The following OR3A2 variants were observed in gnomAD, a reference collection of about 807,000 sequenced individuals.
OR3A2 encodes the protein olfactory receptor 3A2.
For synonymous variants in OR3A2, 126 were observed against 159.3 expected (o/e 0.79, Z 1.57); for missense variants, 318 against 392.8 (o/e 0.81, Z 1.61).
intron 1 of OR3A2, among the ~76,000 whole-genome samples, chr17:3,280,428 C>T (rs891641111): frequency 6.6e-5 from 10 of 151,766 alleles, no homozygotes; most frequent in East Asian, 1.9e-4. Flanking sequence ...CCCACCACCA[C>T]GCCCGGCTAA....
intron 2 of OR3A2, among the ~76,000 whole-genome samples, chr17:3,352,484 T>G (rs369153556): frequency 7.2e-5 from 11 of 152,018 alleles, no homozygotes; most frequent in African/African-American, 2.7e-4. Context: ...ATATCCAGTT[T>G]TCCCAACACC....
intron 2 of OR3A2, among the ~76,000 whole-genome samples, chr17:3,375,857 T>C (rs1379944976): frequency 6.6e-6 from 1 of 152,100 alleles, no homozygotes; most frequent in Non-Finnish European, 1.5e-5. Flanking sequence ...ACTGCAGTGA[T>C]TGTTATTTGT....
At chr17:3,379,395 C>T (rs1238021937) in intron 2 of OR3A2, among the ~76,000 whole-genome samples, 1 of 152,082 alleles carries the variant, frequency 6.6e-6, no homozygotes, top group Non-Finnish European at 1.5e-5. Flanking sequence ...GCTGAGATCC[C>T]CACAACTCCA....
chr17:3,291,720 A>C (rs1210714319), intron 3 of OR3A2: 1 of 1,613,502 alleles, frequency 6.2e-7, no homozygotes, highest in Non-Finnish European at 8.5e-7. Flanking sequence ...GATTGGGTTC[A>C]GCATGGGATT....
chr17:3,336,121 G>A (rs1201969044), exon 3 of OR3A2: 1 of 152,240 alleles, frequency 6.6e-6, no homozygotes, highest in African/African-American at 2.4e-5. Flanking sequence ...ACATTTTGTG[G>A]CATGTCTGTG....
intron 3 of OR3A2, among the ~76,000 whole-genome samples, chr17:3,293,367 A>T (rs1396819210): frequency 6.6e-6 from 1 of 152,212 alleles, no homozygotes; most frequent in Admixed American, 6.5e-5. Flanking sequence ...AGAAAAAAAT[A>T]CATCAGTTCT....
intron 2 of OR3A2, among the ~76,000 whole-genome samples, chr17:3,364,770 T>C (rs1016688262): frequency 1.3e-5 from 2 of 152,198 alleles, no homozygotes; most frequent in African/African-American, 2.4e-5. Flanking sequence ...GAAATCACCA[T>C]GTCAAAGTGA....
intron 3 of OR3A2, among the ~76,000 whole-genome samples, chr17:3,294,653 A>T (rs1482336604): frequency 1.3e-5 from 2 of 152,224 alleles, no homozygotes; most frequent in East Asian, 1.9e-4. Context: ...CTGAATATCA[A>T]TGATTAAAAA....
intron 2 of OR3A2, among the ~76,000 whole-genome samples, chr17:3,346,245 T>A (rs1366244930): frequency 6.6e-6 from 1 of 152,228 alleles, no homozygotes; most frequent in Non-Finnish European, 1.5e-5. Context: ...TACTATATTT[T>A]CTTTTTAATT....
At chr17:3,382,886 G>A (rs2049749630) in intron 2 of OR3A2, among the ~76,000 whole-genome samples, 1 of 152,122 alleles carries the variant, frequency 6.6e-6, no homozygotes, top group Non-Finnish European at 1.5e-5. Flanking sequence ...CCTAGCTGGA[G>A]GTCAAGGACA....
chr17:3,355,428 T>TTCTCTCTCTCTCTC (rs3037631), intron 2 of OR3A2, among the ~76,000 whole-genome samples: 7 of 139,582 alleles, frequency 5.0e-5, no homozygotes, highest in African/African-American at 2.0e-4. Context: ...ATGTTGGCAT[T>TTCTCTCTCTCTCTC]TCTCTCTCTC....
At chr17:3,317,881 T>G (rs926605663) in intron 3 of OR3A2, among the ~76,000 whole-genome samples, 21 of 152,040 alleles carry the variant, frequency 1.4e-4, no homozygotes, top group African/African-American at 5.1e-4. Flanking sequence ...AGCCCTCACT[T>G]TCCATGAATG....
chr17:3,309,708 C>T (rs1431263542), intron 3 of OR3A2, among the ~76,000 whole-genome samples: 2 of 152,132 alleles, frequency 1.3e-5, no homozygotes, highest in Non-Finnish European at 1.5e-5. Context: ...GATGTTTCCT[C>T]GTTTAGTTTC....
At chr17:3,308,633 T>C (rs1461612455) in intron 3 of OR3A2, among the ~76,000 whole-genome samples, 1 of 152,166 alleles carries the variant, frequency 6.6e-6, no homozygotes, top group Non-Finnish European at 1.5e-5. Context: ...AGATTGAGAT[T>C]GAAGAAGGAC....
At chr17:3,322,652 G>A (rs990782778) in intron 3 of OR3A2, among the ~76,000 whole-genome samples, 1 of 152,126 alleles carries the variant, frequency 6.6e-6, no homozygotes, top group Non-Finnish European at 1.5e-5. Context: ...TCAGGAGCAG[G>A]TTGTTCAGTT....
At chr17:3,279,236 AG>A in intron 1 of OR3A2, 83 bp from the exon 4 acceptor site, 6 of 391,116 alleles carry the variant, frequency 1.5e-5, no homozygotes, top group Non-Finnish European at 1.8e-5. Context: ...TCCTCGCCAC[AG>A]GGGGGAAATG....
intron 3 of OR3A2, among the ~76,000 whole-genome samples, chr17:3,322,028 T>C (rs1243235926): frequency 1.3e-5 from 2 of 152,176 alleles, no homozygotes; most frequent in Non-Finnish European, 2.9e-5. Flanking sequence ...TTTTGGTTGG[T>C]AAGCTATTGA....
At position 3,311,038 on chromosome 17, in the gene OR3A2, C is replaced by T. The variant is rs192448569; in HGVS notation, c.-85+24995G>A. On this transcript the variant is annotated intron_variant, in intron 3 of 4. Transcript: ENST00000573491. The surrounding 1 kb of genome is among the most constrained non-coding windows in gnomAD (Gnocchi z 4.6). ...GAGGGCAGAAAGAAAGCCTTCTCCA[C>T]GTGTAGTTCCCACCTCACTGTGGTG... 5.4e-4 allele frequency: 293 copies of T among 546,390 alleles called. 1 individual carries two copies. The East Asian group carries it at 0.012, about 23-fold the overall frequency. 33.8% of individuals were successfully genotyped at this position (546,390 alleles called of 1,614,324 possible). A position where few individuals can be genotyped will look rare whatever the true frequency, so the allele number is the denominator to read the frequency against.
At chr17:3,286,337 C>T, upstream of OR3A2, among the ~76,000 whole-genome samples, 1 of 152,102 alleles carries the variant, frequency 6.6e-6, no homozygotes, top group East Asian at 1.9e-4. Flanking sequence ...TGGCTTGGTT[C>T]CAAGTCTTTG....
Sources: allele counts gnomAD v4.1 joint callset (sites outside exome capture counted in the v4.1 genomes callset), GRCh38; gene constraint gnomAD v4.1.1; non-coding constraint Gnocchi (gnomAD v3.1); transcripts MANE v1.5; gene names NCBI Gene and HGNC (gene_info 2026-07-23, HGNC 2026-07-21).